LIMCH1: variants seen among roughly 807,000 people sequenced by gnomAD.
LIMCH1 encodes the protein LIM and calponin homology domains-containing protein 1.
LIMCH1 carries 113 observed loss-of-function variants against 176.5 expected under a neutral mutation model. The ratio of observed to expected loss-of-function variants is 0.64; its 90% CI spans 0.55 to 0.75. LIMCH1 has a LOEUF of 0.75. Ranked by LOEUF, LIMCH1 falls within the 30% of genes least tolerant of loss-of-function variation. LIMCH1 has a pLI of 0.00. For missense variants in LIMCH1, 1,674 were observed against 1,814.9 expected (o/e 0.92, Z 1.41); for synonymous variants, 619 against 645.9 (o/e 0.96, Z 0.63).
intron 7 of LIMCH1, 41 bp downstream of exon 7, chr4:41,620,731 A>T (rs1473124665): frequency 6.7e-7 from 1 of 1,495,196 alleles, no homozygotes; most frequent in African/African-American, 1.4e-5. Flanking sequence ...GGCTTTCTGC[A>T]TGCCTGGGGA....
At chr4:41,680,879 C>A in intron 24 of LIMCH1, 76 bp from the exon 25 acceptor site, 1 of 778,680 alleles carries the variant, frequency 1.3e-6, no homozygotes, top group Non-Finnish European at 2.2e-6. Flanking sequence ...TTCTAAAGTG[C>A]CTTAATGACA....
intron 2 of LIMCH1, among the ~76,000 whole-genome samples, chr4:41,509,521 T>A (rs2074591193): frequency 6.6e-6 from 1 of 152,222 alleles, no homozygotes; most frequent in South Asian, 2.1e-4. Context: ...TTGGCCACGC[T>A]GACTTGGCCT....
At chr4:41,492,735 G>A (rs1034880265) in intron 1 of LIMCH1, among the ~76,000 whole-genome samples, 1 of 152,232 alleles carries the variant, frequency 6.6e-6, no homozygotes, top group South Asian at 2.1e-4. Context: ...TCTATTTGTG[G>A]ATATGTCCAT....
At chr4:41,539,862 G>A (rs952843075) in intron 1 of LIMCH1, among the ~76,000 whole-genome samples, 1 of 152,232 alleles carries the variant, frequency 6.6e-6, no homozygotes, top group African/African-American at 2.4e-5. Flanking sequence ...AAAGCAACAG[G>A]AATGTTGACT....
intron 1 of LIMCH1, among the ~76,000 whole-genome samples, chr4:41,475,389 CTG>C (rs749415256): frequency 6.6e-6 from 1 of 152,128 alleles, no homozygotes; most frequent in African/African-American, 2.4e-5. Context: ...GTCATACAGA[CTG>C]TGAGTTTGCA....
At chr4:41,478,063 A>G (rs555747484) in intron 1 of LIMCH1, among the ~76,000 whole-genome samples, 28 of 152,338 alleles carry the variant, frequency 1.8e-4, no homozygotes, top group African/African-American at 6.5e-4. Flanking sequence ...TTTGTTTCTT[A>G]TAAGAGGGAA....
At chr4:41,426,321 C>T (rs1442595911) in intron 1 of LIMCH1, among the ~76,000 whole-genome samples, 2 of 152,116 alleles carry the variant, frequency 1.3e-5, no homozygotes, top group Non-Finnish European at 2.9e-5. Context: ...GCGCCCGGCC[C>T]GTGAAAAGAT....
rs185400740 is a variant in LIMCH1, at chr4:41,638,519, T to A, written c.2091-413T>A. 7.9e-4 allele frequency among the ~76,000 whole-genome samples: 120 copies of A among 152,314 alleles called. 1 individual carries two copies. Among genetic ancestry groups the A allele is most frequent in the African/African-American group, 2.7e-3 (111 of 41,560 alleles). On this transcript the variant is annotated intron_variant, in intron 13 of 31. Transcript: ENST00000503057. ...TAAGGGTGCACTTGTACAGTGGGTG[T>A]CCATTACAGCCCATTACTGCTGAAC...
At chr4:41,565,856 T>C (rs753121969) in intron 1 of LIMCH1, among the ~76,000 whole-genome samples, 2 of 152,118 alleles carry the variant, frequency 1.3e-5, no homozygotes, top group Admixed American at 6.6e-5. Flanking sequence ...ACTCTGACAG[T>C]GTCTAAGATG....
At chr4:41,462,053 C>T (rs1229363112) in intron 1 of LIMCH1, among the ~76,000 whole-genome samples, 1 of 152,182 alleles carries the variant, frequency 6.6e-6, no homozygotes. Context: ...CTGCAAAGTT[C>T]TCTTTGTATG....
At chr4:41,505,925 GACACACACACACACACACAC>G (rs36212568) in intron 2 of LIMCH1, among the ~76,000 whole-genome samples, 1 of 134,562 alleles carries the variant, frequency 7.4e-6, no homozygotes, top group East Asian at 2.2e-4. Context: ...CTGTGTTTCT[GACACACACACACACACACAC>G]ACACACACAC....
chr4:41,522,229 C>T (rs1055021170), intron 2 of LIMCH1, among the ~76,000 whole-genome samples: 1 of 152,150 alleles, frequency 6.6e-6, no homozygotes, highest in Admixed American at 6.5e-5. Context: ...TTGAAAAGGG[C>T]ATAGCTCCAT....
chr4:41,388,663 A>T (rs2056819140), intron 1 of LIMCH1, among the ~76,000 whole-genome samples: 1 of 150,930 alleles, frequency 6.6e-6, no homozygotes, highest in African/African-American at 2.5e-5. Flanking sequence ...TGTTTTTGAG[A>T]CAGAGTTTCA....
chr4:41,399,734 C>T (rs540831407), intron 1 of LIMCH1, among the ~76,000 whole-genome samples: 4 of 122,368 alleles, frequency 3.3e-5, no homozygotes, highest in East Asian at 5.4e-4. Flanking sequence ...CAGGCTGGAG[C>T]GCAGTAGCGG....
chr4:41,659,995 G>T (rs2094566505), intron 18 of LIMCH1, among the ~76,000 whole-genome samples: 1 of 152,028 alleles, frequency 6.6e-6, no homozygotes, highest in Admixed American at 6.6e-5. Flanking sequence ...TAAAATGTAT[G>T]TAAAGAGAAG....
chr4:41,459,817 C>T (rs543607295), intron 1 of LIMCH1, among the ~76,000 whole-genome samples: 3 of 152,238 alleles, frequency 2.0e-5, no homozygotes, highest in South Asian at 2.1e-4. Flanking sequence ...AGAACCATGA[C>T]GAAGCTTGCA....
intron 21 of LIMCH1, 110 bp downstream of exon 21, chr4:41,666,776 C>A: frequency 1.4e-6 from 1 of 723,468 alleles, no homozygotes; most frequent in Non-Finnish European, 2.4e-6. Flanking sequence ...TTCCTTTAGC[C>A]AGGGTGTTTG....
intron 1 of LIMCH1, among the ~76,000 whole-genome samples, chr4:41,454,940 A>ATG (rs761501125): frequency 0.11 from 14,643 of 131,056 alleles, 556 homozygotes; most frequent in East Asian, 0.18. Flanking sequence ...GTATGCGTAC[A>ATG]TGTGTGTGTG....
intron 2 of LIMCH1, among the ~76,000 whole-genome samples, chr4:41,517,149 G>A (rs763880890): frequency 2.0e-5 from 3 of 152,280 alleles, no homozygotes; most frequent in East Asian, 1.9e-4. Flanking sequence ...TACAACTTCC[G>A]AGGACTTCCG....
Sources: gnomAD v4.1 joint callset for allele counts (sites outside exome capture counted in the v4.1 genomes callset) on GRCh38, gnomAD v4.1.1 for gene constraint, MANE v1.5 for transcripts, NCBI Gene and HGNC (gene_info 2026-07-23, HGNC 2026-07-21) for gene names.